The following TLK2 variants were observed in gnomAD, a reference collection of about 807,000 sequenced individuals.
TLK2 encodes the protein serine/threonine-protein kinase tousled-like 2.
In TLK2, 6 loss-of-function variants were observed where a neutral mutation model predicts 117.3. The ratio of observed to expected loss-of-function variants is 0.05; its 90% CI spans 0.03 to 0.10. The LOEUF (loss-of-function observed/expected upper bound fraction) is 0.10, where lower values mean the gene tolerates loss of function less well. TLK2 is among the 10% of genes least tolerant of loss of function. TLK2 has a pLI of 1.00. For missense variants in TLK2, 299 were observed against 901.2 expected (o/e 0.33, Z 8.56); for synonymous variants, 257 against 316.7 (o/e 0.81, Z 2.00).
chr17:62,517,596 G>T (rs561757518), intron 2 of TLK2, among the ~76,000 whole-genome samples: 1 of 151,528 alleles, frequency 6.6e-6, no homozygotes. Flanking sequence ...GGGTTTCACC[G>T]TGGTCTCGAT....
intron 6 of TLK2, among the ~76,000 whole-genome samples, chr17:62,525,847 T>C (rs1431376342): frequency 1.3e-5 from 2 of 152,246 alleles, no homozygotes; most frequent in Non-Finnish European, 2.9e-5. Flanking sequence ...AAGAGGCCTG[T>C]GTCTCTGTTT....
At chr17:62,596,805 C>A in intron 17 of TLK2, 131 bp downstream of exon 17, 2 of 721,376 alleles carry the variant, frequency 2.8e-6, no homozygotes, top group Non-Finnish European at 4.5e-6. Context: ...GACAAATGAT[C>A]AAACATAAAT....
intron 9 of TLK2, among the ~76,000 whole-genome samples, chr17:62,555,634 C>A (rs1263031119): frequency 2.0e-5 from 3 of 151,868 alleles, no homozygotes; most frequent in Admixed American, 6.6e-5. Flanking sequence ...AGGCGCCCGC[C>A]ACCACGCCCA....
chr17:62,475,682 CGGA>C (rs1567747271), upstream of TLK2, among the ~76,000 whole-genome samples: 1 of 149,612 alleles, frequency 6.7e-6, no homozygotes, highest in East Asian at 2.0e-4. Flanking sequence ...TTTTTTGAGA[CGGA>C]GTCTCGCTCT....
intron 11 of TLK2, among the ~76,000 whole-genome samples, chr17:62,566,440 T>A (rs1013162352): frequency 1.3e-5 from 2 of 152,222 alleles, no homozygotes; most frequent in Admixed American, 6.5e-5. Flanking sequence ...AACATTAACC[T>A]CCAACTTAGA....
intron 21 of TLK2, among the ~76,000 whole-genome samples, chr17:62,610,010 T>C (rs2083613656): frequency 6.6e-6 from 1 of 152,176 alleles, no homozygotes; most frequent in Admixed American, 6.5e-5. Context: ...AGCTAGCTGC[T>C]CTCACTACCC....
intron 1 of TLK2, among the ~76,000 whole-genome samples, chr17:62,472,781 G>T (rs1279178328): frequency 2.0e-5 from 3 of 151,218 alleles, no homozygotes; most frequent in Admixed American, 6.6e-5. Context: ...AGGAGAGACA[G>T]GTGGACCTGG....
chr17:62,512,213 C>CTTTTTTTTTTTTTTTTTTTTTTTTTTTT, intron 2 of TLK2, among the ~76,000 whole-genome samples: 1 of 40,616 alleles, frequency 2.5e-5, no homozygotes, highest in Non-Finnish European at 4.5e-5. Flanking sequence ...ATCACCCCTC[C>CTTTTTTTTTTTTTTTTTTTTTTTTTTTT]TTTTTTTTTT....
At chr17:62,609,112 C>T (rs770546963) in intron 21 of TLK2, among the ~76,000 whole-genome samples, 4 of 152,150 alleles carry the variant, frequency 2.6e-5, no homozygotes, top group African/African-American at 4.8e-5. Flanking sequence ...GACAGAGTCT[C>T]ACTCTGTCAC....
upstream of TLK2, among the ~76,000 whole-genome samples, chr17:62,478,271 T>C (rs530741988): frequency 9.2e-3 from 1,356 of 148,002 alleles, 9 homozygotes; most frequent in Non-Finnish European, 0.013. Flanking sequence ...CTAAACTCCA[T>C]CCCTGGGAAA....
chr17:62,595,502 G>A (rs545723212), intron 16 of TLK2, among the ~76,000 whole-genome samples: 4 of 151,678 alleles, frequency 2.6e-5, no homozygotes, highest in Non-Finnish European at 5.9e-5. Context: ...AATGCATTGT[G>A]TGGTGACATC....
chr17:62,588,447 G>A (rs956381567), intron 16 of TLK2, among the ~76,000 whole-genome samples: 2 of 152,210 alleles, frequency 1.3e-5, no homozygotes, highest in African/African-American at 4.8e-5. Flanking sequence ...AGCACGTGAA[G>A]GGGATGGTCC....
chr17:62,513,494 T>C (rs1005907500), intron 2 of TLK2, among the ~76,000 whole-genome samples: 1 of 151,876 alleles, frequency 6.6e-6, no homozygotes, highest in Non-Finnish European at 1.5e-5. Flanking sequence ...TGGCTAACTT[T>C]TTCATTTTTT....
At position 62,613,291 on chromosome 17, in the gene TLK2, A is replaced by G. The variant is rs1238332677; in HGVS notation, c.*726A>G. On this transcript the variant is annotated 3_prime_UTR_variant, in exon 22 of 22. Transcript: ENST00000346027. ...TCTCCTGTTTGCAATTGCTTCCCTC[A>G]TCTCAGTAGGGAAAAAATTGAGTGG... 6.6e-6 allele frequency: 1 copy of G among 152,550 alleles called. No homozygotes were observed. Among genetic ancestry groups the G allele is most frequent in the East Asian group, 1.9e-4 (1 of 5,188 alleles). The allele number at this position is 152,550 out of a possible 1,614,324, so 9.4% of individuals were successfully genotyped here.
intron 2 of TLK2, chr17:62,516,897 A>C (rs1362240379): frequency 1.5e-6 from 1 of 647,060 alleles, no homozygotes; most frequent in African/African-American, 1.8e-5. Flanking sequence ...TTGCATGTAC[A>C]TATCCAGTTT....
In TLK2 at chr17:62,578,337, A is replaced by C; in HGVS notation, c.1189-140A>C. 7 of 689,180 alleles carry C rather than the reference A, an allele frequency of 1.0e-5. No homozygotes were observed. The South Asian group carries it at 1.2e-4, about 12-fold the overall frequency. The allele number at this position is 689,180 out of a possible 1,614,324, so 42.7% of individuals were successfully genotyped here. On this transcript the variant is annotated intron_variant, in intron 13 of 21. Transcript: ENST00000346027. ...TCTATGGGCTCATTTTTATGATTAA[A>C]ATTCTTAAAGAAATCTTTCAATGCA...
rs746348469 is a variant in TLK2 at position 62,612,605 on chromosome 17, G to A, written c.*40G>A. The A allele has an allele frequency of 1.1e-5, 17 of 1,562,266 alleles. No individual in the cohort carries two copies. In the Admixed American group the frequency reaches 1.4e-4, roughly 13 times the overall value. ...CCACAAACTGTTCAACACACACAAA[G>A]TGGACAAATGGCGTTCAGCAGCGGG... On this transcript the variant is annotated 3_prime_UTR_variant, in exon 22 of 22. Coordinates refer to ENST00000346027, the MANE Select transcript of TLK2 (RefSeq NM_006852.6).
intron 2 of TLK2, among the ~76,000 whole-genome samples, chr17:62,490,533 T>G (rs1290454207): frequency 2.0e-5 from 3 of 152,104 alleles, no homozygotes; most frequent in Non-Finnish European, 4.4e-5. Context: ...CTTAATTTCA[T>G]AGATTTTTCT....
intron 16 of TLK2, among the ~76,000 whole-genome samples, chr17:62,587,240 T>C (rs1227536383): frequency 2.6e-5 from 4 of 152,210 alleles, no homozygotes; most frequent in African/African-American, 9.6e-5. Flanking sequence ...TCATTTGCTT[T>C]AGAGGCTATG....
Sources: allele counts gnomAD v4.1 joint callset (sites outside exome capture counted in the v4.1 genomes callset), GRCh38; gene constraint gnomAD v4.1.1; transcripts MANE v1.5; gene names NCBI Gene and HGNC (gene_info 2026-07-23, HGNC 2026-07-21).